The following AGBL5 variants were observed in gnomAD, a reference collection of about 807,000 sequenced individuals.
The protein encoded by AGBL5 is cytosolic carboxypeptidase-like protein 5.
AGBL5 carries 51 observed loss-of-function variants against 88.0 expected under a neutral mutation model. That is an observed-to-expected ratio of 0.58 (90% confidence interval 0.46 to 0.73). AGBL5 has a LOEUF of 0.73. AGBL5 is among the 30% of genes least tolerant of loss of function. The pLI, the probability that AGBL5 is intolerant of heterozygous loss-of-function variation, is 0.00. For missense variants in AGBL5, 1,031 were observed against 1,162.2 expected, an observed-to-expected ratio of 0.89 and a Z score of 1.64; for synonymous variants, 446 against 438.8, an observed-to-expected ratio of 1.02 and a Z score of -0.21.
At chr2:27,064,861 C>G (rs902094221) in intron 11 of AGBL5, among the ~76,000 whole-genome samples, 2 of 144,996 alleles carry the variant, frequency 1.4e-5, no homozygotes, top group African/African-American at 5.1e-5. Flanking sequence ...TCAGGTGATT[C>G]TCCTGCCTCA....
At chr2:27,056,559 A>G in intron 7 of AGBL5, 64 bp from the exon 8 acceptor site, 1 of 1,435,218 alleles carries the variant, frequency 7.0e-7, no homozygotes, top group Non-Finnish European at 9.5e-7. Flanking sequence ...CATACTTGCT[A>G]TCTCTTCCTT....
intron 10 of AGBL5, among the ~76,000 whole-genome samples, chr2:27,058,888 A>G (rs1271839551): frequency 6.6e-6 from 1 of 152,246 alleles, no homozygotes; most frequent in Non-Finnish European, 1.5e-5. Flanking sequence ...GGCAGGCCTC[A>G]GCTTCCAAGG....
intron 12 of AGBL5, 149 bp from the exon 13 acceptor site, chr2:27,068,483 A>G: frequency 1.6e-6 from 1 of 637,804 alleles, no homozygotes; most frequent in East Asian, 2.8e-5. Flanking sequence ...ATGCTGCGAA[A>G]CATCCTACAA....
At chr2:27,051,565 A>C (rs1225253716), upstream of AGBL5, 1 of 152,242 alleles carries the variant, frequency 6.6e-6, no homozygotes, top group African/African-American at 2.4e-5. Flanking sequence ...GTACCCACTA[A>C]CGTGCGAGGA....
intron 12 of AGBL5, among the ~76,000 whole-genome samples, chr2:27,068,263 G>A (rs774707338): frequency 2.0e-5 from 3 of 152,110 alleles, no homozygotes; most frequent in Non-Finnish European, 2.9e-5. Flanking sequence ...ATATGATTGC[G>A]GCAGTATAAA....
rs749292283 is a variant in AGBL5 at position 27,058,407 on chromosome 2, G to A, written c.1679G>A (p.Arg560Gln). The A allele has an allele frequency of 5.0e-6, 8 of 1,612,832 alleles. No individual in the cohort carries two copies. Among genetic ancestry groups the A allele is most frequent in the East Asian group, 2.2e-5 (1 of 44,900 alleles). The change falls in exon 10 of 15, where the codon CGA (arginine) becomes CAA (glutamine). Residue 560 changes from arginine to glutamine, a missense_variant. This residue lies in a region of AGBL5 where 491 missense variants were observed against 484.0 expected (regional missense o/e 1.01). Transcript: ENST00000360131. The stretch of plus-strand genomic sequence containing the variant: ...AACTGGACTACCCCACAGGTGGGAC[G>A]AGCTATGGCCATTGCAGCCCTGGAC... ...YTVELFEQVG[R>Q]AMAIAALDMA...
intron 7 of AGBL5, chr2:27,056,389 G>A (rs1390163384): frequency 5.0e-6 from 3 of 597,978 alleles, no homozygotes; most frequent in Non-Finnish European, 8.4e-6. Context: ...GGAATCCAGA[G>A]AAGGAAAATT....
chr2:27,060,825 C>A (rs1293201268), intron 11 of AGBL5, among the ~76,000 whole-genome samples: 1 of 152,154 alleles, frequency 6.6e-6, no homozygotes, highest in Non-Finnish European at 1.5e-5. Context: ...AATAATAATG[C>A]CTTATGTTTA....
At chr2:27,052,540 G>GGT (rs1299407599) in intron 1 of AGBL5, 1 of 155,348 alleles carries the variant, frequency 6.4e-6, no homozygotes, top group Admixed American at 6.5e-5. Flanking sequence ...GGCCATGTAT[G>GGT]GTGGTGAGTG....
intron 11 of AGBL5, among the ~76,000 whole-genome samples, chr2:27,066,085 T>C (rs1192786634): frequency 6.6e-6 from 1 of 151,918 alleles, no homozygotes; most frequent in Non-Finnish European, 1.5e-5. Flanking sequence ...ATGGTGAGAC[T>C]CCATCTCCAC....
intron 4 of AGBL5, 89 bp downstream of exon 4, chr2:27,054,148 C>T (rs1268046382): frequency 9.1e-6 from 13 of 1,429,038 alleles, no homozygotes; most frequent in African/African-American, 2.9e-5. Flanking sequence ...AGCTCTGAAC[C>T]ATACTTTCAT....
intron 14 of AGBL5, 87 bp downstream of exon 14, chr2:27,069,793 C>T: frequency 1.3e-6 from 2 of 1,523,152 alleles, no homozygotes; most frequent in Admixed American, 4.3e-5. Flanking sequence ...TTTTCTGCTT[C>T]CCTACTCCTT....
rs1340831553 is a variant in AGBL5 at position 27,053,866 on chromosome 2, G to A, written c.388-30G>A. On this transcript the variant is annotated intron_variant, in intron 3 of 14. Transcript: ENST00000360131. This position sits in a 1 kb window ranked among gnomAD's most constrained non-coding sequence, Gnocchi z 4.9. ...AGCTCAGTTCTGACAATGGCATGTT[G>A]CCCCTCCCTCTTCCTCCTCTGCTCT... The A allele has an allele frequency of 1.9e-6, 3 of 1,593,234 alleles. No homozygotes were observed. Among genetic ancestry groups the A allele is most frequent in the Non-Finnish European group, 2.6e-6 (3 of 1,166,636 alleles).
In AGBL5 at chr2:27,069,388, T is replaced by C. The variant is rs538874024; in HGVS notation, c.2356-185T>C. On this transcript the variant is annotated intron_variant, in intron 13 of 14. Transcript: ENST00000360131. ...GTTATAGACTTGGAGTGCATAGTCATGGACTGAATCCAGGACTTCTCTGGC... is the reference window on the plus strand; with the variant it reads ...GTTATAGACTTGGAGTGCATAGTCACGGACTGAATCCAGGACTTCTCTGGC... The C allele has an allele frequency of 7.7e-4, 754 of 985,306 alleles. 1 individual carries two copies. Among genetic ancestry groups the C allele is most frequent in the Admixed American group, 1.2e-3 (19 of 16,274 alleles). The allele number at this position is 985,306 out of a possible 1,614,324, so 61.0% of individuals were successfully genotyped here. A position where few individuals can be genotyped will look rare whatever the true frequency, so the allele number is the denominator to read the frequency against.
intron 5 of AGBL5, 121 bp downstream of exon 5, chr2:27,054,928 C>A: frequency 1.3e-6 from 2 of 1,490,020 alleles, no homozygotes; most frequent in Non-Finnish European, 1.8e-6. Context: ...CAGCGTGCGG[C>A]AAGGGTGATG....
At position 27,067,479 on chromosome 2, in the gene AGBL5, A is replaced by G; in HGVS notation, c.2090-15A>G. 1 of 1,612,062 alleles carries G rather than the reference A, an allele frequency of 6.2e-7. No individual in the cohort carries two copies. Among genetic ancestry groups the G allele is most frequent in the Non-Finnish European group, 8.5e-7 (1 of 1,178,420 alleles). On this transcript the variant is annotated splice_polypyrimidine_tract_variant and intron_variant, in intron 11 of 14. Coordinates refer to ENST00000360131, the MANE Select transcript of AGBL5 (RefSeq NM_021831.6). Reference sequence around the variant, plus strand: ...CTTATTTGCCCTTTTATCTGCTTGTATCTCTTCCACTCAGAGCCCCGAAGC... The same window carrying G: ...CTTATTTGCCCTTTTATCTGCTTGTGTCTCTTCCACTCAGAGCCCCGAAGC...
chr2:27,056,758 G>T lies in AGBL5; in HGVS notation c.1501G>T (p.Val501Phe). 1.2e-6 allele frequency: 2 copies of T among 1,613,244 alleles called. No homozygotes were observed. The highest frequency in any genetic ancestry group is 1.7e-6 in the Non-Finnish European group (2 of 1,179,456). The change falls in exon 8 of 15, where the codon GTT becomes TTT. Residue 501 changes from valine to phenylalanine, a missense_variant. Coordinates refer to ENST00000360131, the MANE Select transcript of AGBL5 (RefSeq NM_021831.6). ...DGQSKEGSGR[V>F]AIYKASGIIH... Reference sequence around the variant, plus strand: ...CCAGTCTAAAGAGGGAAGCGGCCGTGTTGCAATCTACAAAGCCTCAGGGAT... The same window carrying T: ...CCAGTCTAAAGAGGGAAGCGGCCGTTTTGCAATCTACAAAGCCTCAGGGAT...
In AGBL5 at chr2:27,067,609, G is replaced by A. The variant is rs746200233; in HGVS notation, c.2205G>A (p.Leu735=). Residue 735 remains leucine (L), a synonymous_variant, in exon 12 of 15, where the codon CTG becomes CTA. Transcript: ENST00000360131. The part of the protein sequence containing the change: ...TSSGPASSHK[L]GSCLLPDSFN... ...CTGGCCCAGCCTCCTCACACAAGCTGGGCTCCTGTCTACTGCCTGATTCAT... is the reference window on the plus strand; with the variant it reads ...CTGGCCCAGCCTCCTCACACAAGCTAGGCTCCTGTCTACTGCCTGATTCAT... 3.8e-5 allele frequency: 61 copies of A among 1,614,018 alleles called. No homozygotes were observed. The highest frequency in any genetic ancestry group is 5.1e-5 in the Non-Finnish European group (60 of 1,179,968).
intron 7 of AGBL5, 73 bp downstream of exon 7, chr2:27,056,211 GA>G: frequency 6.7e-7 from 1 of 1,500,642 alleles, no homozygotes; most frequent in African/African-American, 1.4e-5. Flanking sequence ...GCCATGAACA[GA>G]AGGAAGATAG....
Sources: allele counts gnomAD v4.1 joint callset (sites outside exome capture counted in the v4.1 genomes callset), GRCh38; gene constraint gnomAD v4.1.1; regional missense constraint gnomAD v4.1.1; non-coding constraint Gnocchi (gnomAD v3.1); transcripts MANE v1.5; gene names NCBI Gene and HGNC (gene_info 2026-07-23, HGNC 2026-07-21).